Variants in CHST11 observed in about 807,000 individuals in gnomAD.
CHST11 encodes carbohydrate sulfotransferase 11.
A neutral mutation model predicts 30.4 loss-of-function variants in CHST11; 9 were observed. The observed-to-expected ratio is 0.30, with a 90% CI of 0.18 to 0.52. CHST11 has a LOEUF of 0.52. CHST11 is among the 20% of genes least tolerant of loss of function. The pLI, the probability that CHST11 is intolerant of heterozygous loss-of-function variation, is 0.97. For missense variants in CHST11, 348 were observed against 460.6 expected, an observed-to-expected ratio of 0.76 and a Z score of 2.24; for synonymous variants, 152 against 187.8, an observed-to-expected ratio of 0.81 and a Z score of 1.56.
chr12:104,533,992 A>G lies in CHST11; in HGVS notation c.119-67914A>G, dbSNP rs1376641509. Among the ~76,000 whole-genome samples, 10 of 152,238 alleles carry G rather than the reference A, an allele frequency of 6.6e-5. No homozygotes were observed. In the East Asian group the frequency reaches 7.7e-4, roughly 12 times the overall value. On this transcript the variant is annotated intron_variant, in intron 1 of 2. Coordinates refer to ENST00000303694, the MANE Select transcript of CHST11 (RefSeq NM_018413.6). ...CCCCAAATCCTTTCAATGAAATTAA[A>G]GTTACTTATAATGAAAGAGAGATCT... is the stretch of plus-strand genomic sequence containing the variant.
intron 1 of CHST11, among the ~76,000 whole-genome samples, chr12:104,482,643 A>G (rs2037638117): frequency 6.6e-6 from 1 of 152,084 alleles, no homozygotes; most frequent in African/African-American, 2.4e-5. Context: ...AGAGCTGACA[A>G]TTATGGAGGA....
At chr12:104,509,755 G>A (rs2037944741) in intron 1 of CHST11, among the ~76,000 whole-genome samples, 1 of 152,250 alleles carries the variant, frequency 6.6e-6, no homozygotes, top group African/African-American at 2.4e-5. Flanking sequence ...CTGAGATCCA[G>A]TGGGGCCTCT....
At chr12:104,526,522 G>A (rs1271521285) in intron 1 of CHST11, among the ~76,000 whole-genome samples, 3 of 152,178 alleles carry the variant, frequency 2.0e-5, no homozygotes, top group Admixed American at 1.3e-4. Flanking sequence ...CGGGCCTGAG[G>A]TTTGCCCCTG....
At chr12:104,667,472 T>C (rs1397644652) in intron 2 of CHST11, among the ~76,000 whole-genome samples, 2 of 152,190 alleles carry the variant, frequency 1.3e-5, no homozygotes, top group African/African-American at 2.4e-5. Context: ...CTTTTGGAGT[T>C]TCATCCCAGT....
intron 2 of CHST11, among the ~76,000 whole-genome samples, chr12:104,628,344 C>G (rs2039238689): frequency 6.6e-6 from 1 of 152,120 alleles, no homozygotes; most frequent in Admixed American, 6.5e-5. Context: ...CGTGCCCAGA[C>G]CATCTCTTCA....
At chr12:104,703,950 C>T (rs1328119779) in intron 2 of CHST11, among the ~76,000 whole-genome samples, 33 of 152,216 alleles carry the variant, frequency 2.2e-4, no homozygotes, top group Admixed American at 2.2e-3. Flanking sequence ...AGTTCAATAG[C>T]TGGTAGTTAC....
intron 1 of CHST11, among the ~76,000 whole-genome samples, chr12:104,585,277 G>T (rs1392124816): frequency 6.6e-6 from 1 of 152,140 alleles, no homozygotes; most frequent in Non-Finnish European, 1.5e-5. Context: ...AAGCGCTTAG[G>T]CCTCCAGCAT....
chr12:104,646,170 C>G (rs558761027), intron 2 of CHST11, among the ~76,000 whole-genome samples: 1 of 152,166 alleles, frequency 6.6e-6, no homozygotes, highest in Non-Finnish European at 1.5e-5. Context: ...CAGGGCCCTG[C>G]GAGATCCACT....
intron 1 of CHST11, 75 bp from the exon 2 acceptor site, chr12:104,601,831 C>T: frequency 8.2e-7 from 1 of 1,221,052 alleles, no homozygotes; most frequent in Admixed American, 1.8e-5. Context: ...TTCTTCCCTA[C>T]TCTGTGCCTT....
chr12:104,614,867 C>A (rs1334050018), intron 2 of CHST11, among the ~76,000 whole-genome samples: 1 of 152,128 alleles, frequency 6.6e-6, no homozygotes, highest in Non-Finnish European at 1.5e-5. Flanking sequence ...GAGGCACTGA[C>A]TGGAGGGGCT....
At chr12:104,470,971 C>T (rs1593952335) in intron 1 of CHST11, among the ~76,000 whole-genome samples, 1 of 152,336 alleles carries the variant, frequency 6.6e-6, no homozygotes, top group East Asian at 1.9e-4. Flanking sequence ...TCTCTTCTTA[C>T]CCTACACGCT....
intron 1 of CHST11, among the ~76,000 whole-genome samples, chr12:104,515,259 T>C (rs1401227167): frequency 6.6e-6 from 1 of 152,202 alleles, no homozygotes; most frequent in Non-Finnish European, 1.5e-5. Flanking sequence ...TGTGCCACTT[T>C]TGTGCGATAA....
intron 2 of CHST11, among the ~76,000 whole-genome samples, chr12:104,707,546 T>C (rs1334624098): frequency 2.0e-5 from 3 of 152,250 alleles, no homozygotes; most frequent in African/African-American, 7.2e-5. Context: ...TCAGCCTAGA[T>C]GACTTCAAAA....
intron 2 of CHST11, among the ~76,000 whole-genome samples, chr12:104,740,626 A>C (rs776664301): frequency 7.9e-5 from 12 of 152,314 alleles, no homozygotes; most frequent in Non-Finnish European, 1.5e-4. Flanking sequence ...GTATTTTGTA[A>C]CTCTGAAGTT....
At chr12:104,634,445 G>A (rs1219733650) in intron 2 of CHST11, among the ~76,000 whole-genome samples, 1 of 152,224 alleles carries the variant, frequency 6.6e-6, no homozygotes, top group African/African-American at 2.4e-5. Flanking sequence ...CTCCACCACA[G>A]GGCTGCCGGG....
chr12:104,466,080 G>A (rs1431212964), intron 1 of CHST11, among the ~76,000 whole-genome samples: 1 of 151,868 alleles, frequency 6.6e-6, no homozygotes, highest in Non-Finnish European at 1.5e-5. Flanking sequence ...GGCTGGTCTC[G>A]AACTCCTGAC....
intron 1 of CHST11, among the ~76,000 whole-genome samples, chr12:104,592,254 G>T (rs758747589): frequency 3.9e-5 from 6 of 152,026 alleles, no homozygotes; most frequent in Non-Finnish European, 8.8e-5. Context: ...TGAGGTTTGT[G>T]TCTTAATCTG....
rs80172409 is a variant in CHST11 at position 104,641,920 on chromosome 12, C to T, written c.204+39929C>T. Among the ~76,000 whole-genome samples, 744 of 152,260 alleles carry T rather than the reference C, an allele frequency of 4.9e-3. 9 individuals carry two copies. Among genetic ancestry groups the T allele is most frequent in the African/African-American group, 0.017 (694 of 41,534 alleles). On this transcript the variant is annotated intron_variant, in intron 2 of 2. Coordinates refer to ENST00000303694, the MANE Select transcript of CHST11 (RefSeq NM_018413.6). ...GTTCTCAACCAGGGGGGATTTTGCA[C>T]CCCATCCACCCCAGGGAGGACATTT...
At chr12:104,697,322 CTT>C (rs879347196) in intron 2 of CHST11, among the ~76,000 whole-genome samples, 13 of 152,198 alleles carry the variant, frequency 8.5e-5, no homozygotes, top group Non-Finnish European at 1.2e-4. Flanking sequence ...AGAGATTAGT[CTT>C]TGAATCAGTA....
Sources: gnomAD v4.1 joint callset for allele counts (sites outside exome capture counted in the v4.1 genomes callset) on GRCh38, gnomAD v4.1.1 for gene constraint, MANE v1.5 for transcripts, NCBI Gene and HGNC (gene_info 2026-07-23, HGNC 2026-07-21) for gene names.